The following AFG1L variants were observed in gnomAD, a reference collection of about 807,000 sequenced individuals.
AFG1L encodes AFG1 like ATPase.
In AFG1L, 53 loss-of-function variants were observed where a neutral mutation model predicts 62.2. The observed-to-expected ratio is 0.85, with a 90% CI of 0.68 to 1.07. The LOEUF is 1.07. Among genes scored for constraint, AFG1L ranks in the 50% least tolerant of loss-of-function variants. The pLI is 0.00. For missense variants in AFG1L, 555 were observed against 590.5 expected, an observed-to-expected ratio of 0.94 and a Z score of 0.62; for synonymous variants, 228 against 210.3, an observed-to-expected ratio of 1.08 and a Z score of -0.73.
At chr6:108,365,664 T>C (rs956772180) in intron 5 of AFG1L, among the ~76,000 whole-genome samples, 1 of 152,090 alleles carries the variant, frequency 6.6e-6, no homozygotes, top group African/African-American at 2.4e-5. Flanking sequence ...TGAATTGTTT[T>C]GTGCAACAAT....
At chr6:108,504,427 G>C (rs1007932313) in intron 10 of AFG1L, among the ~76,000 whole-genome samples, 7 of 152,178 alleles carry the variant, frequency 4.6e-5, no homozygotes, top group African/African-American at 1.7e-4. Flanking sequence ...CAGTGGTGGA[G>C]CAGTCAGAAC....
intron 2 of AFG1L, among the ~76,000 whole-genome samples, chr6:108,344,266 C>T (rs1451576699): frequency 1.3e-5 from 2 of 152,116 alleles, no homozygotes; most frequent in Non-Finnish European, 1.5e-5. Context: ...GCATGCACCA[C>T]AGCGCCCAGC....
rs1237874285 is a variant in AFG1L at position 108,505,960 on chromosome 6, T to C, written c.1063-4252T>C. Among the ~76,000 whole-genome samples the C allele has an allele frequency of 2.0e-5, 3 of 152,336 alleles. No homozygotes were observed. The East Asian group carries it at 5.8e-4, about 29-fold the overall frequency. ...GTCTGACATTTATGGAGAAAAATACTGACAACACACTAGTCATCATGCTTA... is the reference window on the plus strand; with the variant it reads ...GTCTGACATTTATGGAGAAAAATACCGACAACACACTAGTCATCATGCTTA... On this transcript the variant is annotated intron_variant, in intron 10 of 12. Transcript: ENST00000368977.
At chr6:108,503,219 T>C (rs772800334) in intron 10 of AFG1L, among the ~76,000 whole-genome samples, 4 of 152,236 alleles carry the variant, frequency 2.6e-5, no homozygotes, top group Non-Finnish European at 5.9e-5. Flanking sequence ...GTATCTAGAA[T>C]GATAAATCAT....
chr6:108,489,381 G>A (rs890963338), intron 10 of AFG1L, among the ~76,000 whole-genome samples: 7 of 152,192 alleles, frequency 4.6e-5, no homozygotes, highest in Non-Finnish European at 8.8e-5. Flanking sequence ...TCGCTGCTAC[G>A]CATCATGGAG....
intron 7 of AFG1L, among the ~76,000 whole-genome samples, chr6:108,424,563 T>C (rs1770732827): frequency 6.6e-6 from 1 of 152,022 alleles, no homozygotes; most frequent in Non-Finnish European, 1.5e-5. Flanking sequence ...TAGGATGTTC[T>C]AGTAGGGGAA....
At chr6:108,315,142 G>A (rs1562469083) in intron 1 of AFG1L, among the ~76,000 whole-genome samples, 2 of 152,130 alleles carry the variant, frequency 1.3e-5, no homozygotes, top group Non-Finnish European at 2.9e-5. Flanking sequence ...GCCTCCCAAA[G>A]TATTGGGATT....
intron 8 of AFG1L, 87 bp from the exon 9 acceptor site, chr6:108,476,778 G>A (rs1450151579): frequency 1.6e-5 from 14 of 874,874 alleles, no homozygotes; most frequent in Middle Eastern, 4.5e-4. Flanking sequence ...TTTTTTTATG[G>A]GCAAAAAGCT....
intron 7 of AFG1L, among the ~76,000 whole-genome samples, chr6:108,411,708 G>A (rs1689373521): frequency 6.6e-6 from 1 of 152,158 alleles, no homozygotes; most frequent in Admixed American, 6.5e-5. Context: ...ACTGTTAGAA[G>A]GAAAACTAAC....
rs1209295520 is a variant in AFG1L at position 108,296,507 on chromosome 6, T to C, written c.139+1289T>C. ...TCTGTGATACTAGTTTCTTATGTATTCTTCCAGATATATTCTGTGTATGTA... is the reference window on the plus strand; with the variant it reads ...TCTGTGATACTAGTTTCTTATGTATCCTTCCAGATATATTCTGTGTATGTA... On this transcript the variant is annotated intron_variant, in intron 1 of 12. Transcript: ENST00000368977. Among the ~76,000 whole-genome samples, 5 of 152,210 alleles carry C rather than the reference T, an allele frequency of 3.3e-5. No homozygotes were observed. In the South Asian group the frequency reaches 6.2e-4, roughly 19 times the overall value.
chr6:108,504,654 G>A (rs747782072), intron 10 of AFG1L, among the ~76,000 whole-genome samples: 1 of 152,202 alleles, frequency 6.6e-6, no homozygotes, highest in Non-Finnish European at 1.5e-5. Context: ...AGACTTGCTT[G>A]ATGCAGAGTT....
chr6:108,338,165 A>G (rs1385479476), intron 2 of AFG1L, among the ~76,000 whole-genome samples: 2 of 152,208 alleles, frequency 1.3e-5, no homozygotes, highest in Admixed American at 6.5e-5. Flanking sequence ...CAGCCTGGGT[A>G]ACAGAGCGAC....
intron 6 of AFG1L, among the ~76,000 whole-genome samples, chr6:108,395,403 C>CTTTTTTTTTTTTT (rs71551344): frequency 2.4e-5 from 3 of 122,940 alleles, no homozygotes; most frequent in African/African-American, 6.1e-5. Flanking sequence ...CTTTTCTTTT[C>CTTTTTTTTTTTTT]TTTTTTTTTT....
chr6:108,302,748 A>G (rs1490231438), intron 1 of AFG1L, among the ~76,000 whole-genome samples: 1 of 152,188 alleles, frequency 6.6e-6, no homozygotes, highest in Non-Finnish European at 1.5e-5. Context: ...CAGTTTCTCC[A>G]ATTGTGCCCT....
At chr6:108,507,602 T>C (rs1171044853) in intron 10 of AFG1L, among the ~76,000 whole-genome samples, 2 of 152,244 alleles carry the variant, frequency 1.3e-5, no homozygotes, top group Non-Finnish European at 2.9e-5. Flanking sequence ...GTTATTCTGA[T>C]AGAAATCACA....
intron 8 of AFG1L, among the ~76,000 whole-genome samples, chr6:108,458,733 G>A (rs1487593132): frequency 6.6e-6 from 1 of 151,968 alleles, no homozygotes; most frequent in Non-Finnish European, 1.5e-5. Flanking sequence ...TATCATCTAT[G>A]TCATTTCTGG....
chr6:108,451,812 G>C (rs544138856), intron 8 of AFG1L, among the ~76,000 whole-genome samples: 3 of 152,064 alleles, frequency 2.0e-5, no homozygotes, highest in East Asian at 1.9e-4. Context: ...TCTGCTTCCC[G>C]GGTTCAAGCA....
intron 2 of AFG1L, among the ~76,000 whole-genome samples, chr6:108,330,243 G>T (rs1291145040): frequency 1.4e-5 from 2 of 145,938 alleles, no homozygotes; most frequent in Non-Finnish European, 3.0e-5. Context: ...ACAGTGGTGT[G>T]ATCTCAGCTC....
intron 7 of AFG1L, among the ~76,000 whole-genome samples, chr6:108,421,633 C>T (rs758637085): frequency 6.6e-6 from 1 of 152,008 alleles, no homozygotes; most frequent in Non-Finnish European, 1.5e-5. Context: ...CCCTGCACCC[C>T]CCCTGTCTGC....
Sources: allele counts gnomAD v4.1 joint callset (sites outside exome capture counted in the v4.1 genomes callset), GRCh38; gene constraint gnomAD v4.1.1; transcripts MANE v1.5; gene names NCBI Gene and HGNC (gene_info 2026-07-23, HGNC 2026-07-21).